The following INTS7 variants were observed in gnomAD, a reference collection of about 807,000 sequenced individuals.
INTS7 encodes the protein chromosome 1 open reading frame 73.
A neutral mutation model predicts 109.2 loss-of-function variants in INTS7; 46 were observed. The ratio of observed to expected loss-of-function variants is 0.42; its 90% CI spans 0.33 to 0.54. The LOEUF (loss-of-function observed/expected upper bound fraction) is 0.54. Among genes scored for constraint, INTS7 ranks in the 20% least tolerant of loss-of-function variants. The pLI is 0.07. For missense variants in INTS7, 929 were observed against 1,132.4 expected (o/e 0.82, Z 2.58); for synonymous variants, 412 against 402.9 (o/e 1.02, Z -0.27).
chr1:211,966,616 T>C (rs908077532), intron 15 of INTS7, 118 bp from the exon 16 acceptor site: 5 of 650,950 alleles, frequency 7.7e-6, no homozygotes, highest in Non-Finnish European at 1.4e-5. Flanking sequence ...AATCATAATG[T>C]TATCAACTCG....
At chr1:212,005,553 C>T (rs1356075991) in intron 7 of INTS7, among the ~76,000 whole-genome samples, 1 of 152,014 alleles carries the variant, frequency 6.6e-6, no homozygotes, top group Non-Finnish European at 1.5e-5. Flanking sequence ...ATCTATCTCA[C>T]AATAAGAAAA....
At chr1:211,947,835 C>T (rs139467813) in intron 17 of INTS7, among the ~76,000 whole-genome samples, 4 of 152,272 alleles carry the variant, frequency 2.6e-5, no homozygotes, top group South Asian at 2.1e-4. Context: ...TAAGCACTCA[C>T]GGTACATCAA....
intron 18 of INTS7, among the ~76,000 whole-genome samples, chr1:211,945,663 T>C (rs947249172): frequency 1.3e-5 from 2 of 152,238 alleles, no homozygotes; most frequent in Non-Finnish European, 2.9e-5. Context: ...CATTTTGAAA[T>C]GGAATGCTCT....
intron 18 of INTS7, among the ~76,000 whole-genome samples, chr1:211,945,375 GT>G (rs1222880662): frequency 1.3e-5 from 2 of 151,982 alleles, no homozygotes; most frequent in South Asian, 2.1e-4. Flanking sequence ...TGAACTTAAA[GT>G]TCCAGGATTA....
intron 8 of INTS7, among the ~76,000 whole-genome samples, chr1:211,983,859 T>TG (rs1358300816): frequency 1.3e-5 from 2 of 151,786 alleles, no homozygotes; most frequent in Non-Finnish European, 2.9e-5. Flanking sequence ...TGTTTTGTTT[T>TG]TTTTTTGAGA....
intron 5 of INTS7, among the ~76,000 whole-genome samples, chr1:212,010,632 A>G (rs1571902585): frequency 6.6e-6 from 1 of 152,190 alleles, no homozygotes; most frequent in East Asian, 1.9e-4. Context: ...AAAAATTCCT[A>G]GTAACTTCAT....
chr1:212,001,265 C>A (rs929852110), intron 7 of INTS7, among the ~76,000 whole-genome samples: 2 of 151,628 alleles, frequency 1.3e-5, no homozygotes, highest in African/African-American at 4.8e-5. Flanking sequence ...CAAGGTTTCT[C>A]CATGTTTGTC....
At chr1:211,983,243 T>A (rs1353206692) in intron 8 of INTS7, among the ~76,000 whole-genome samples, 3 of 152,122 alleles carry the variant, frequency 2.0e-5, no homozygotes, top group African/African-American at 4.8e-5. Flanking sequence ...TGACACACAT[T>A]TATACCTCAT....
chr1:211,997,253 G>C (rs1665439641), intron 7 of INTS7, among the ~76,000 whole-genome samples: 1 of 151,908 alleles, frequency 6.6e-6, no homozygotes, highest in Non-Finnish European at 1.5e-5. Context: ...TGAAAAAAAA[G>C]AGAGAGATAG....
At chr1:211,977,486 A>G (rs761491277) in intron 11 of INTS7, among the ~76,000 whole-genome samples, 1 of 152,224 alleles carries the variant, frequency 6.6e-6, no homozygotes, top group Non-Finnish European at 1.5e-5. Flanking sequence ...TTTGGTCATC[A>G]AGGTAACCTT....
In INTS7 at chr1:211,967,998, A is replaced by G. The variant is rs1455489184; in HGVS notation, c.2011-17T>C. 7.3e-6 allele frequency: 10 copies of G among 1,378,458 alleles called. No homozygotes were observed. The highest frequency in any genetic ancestry group is 7.0e-5 in the East Asian group (3 of 42,592). 85.4% of individuals were successfully genotyped at this position (1,378,458 alleles called of 1,614,324 possible). A position where few individuals can be genotyped will look rare whatever the true frequency, so the allele number is the denominator to read the frequency against. On this transcript the variant is annotated splice_polypyrimidine_tract_variant and intron_variant, in intron 14 of 19. Transcript: ENST00000366994. Reference sequence around the variant, plus strand: ...CTGTTTCATCTATAAAAAAAAATCAATTATGACAAACAAACATGCTATCAT... The same window carrying G: ...CTGTTTCATCTATAAAAAAAAATCAGTTATGACAAACAAACATGCTATCAT...
chr1:212,022,696 G>A (rs1470242635), intron 1 of INTS7, among the ~76,000 whole-genome samples: 1 of 152,194 alleles, frequency 6.6e-6, no homozygotes, highest in Non-Finnish European at 1.5e-5. Context: ...TAGTGGGAAT[G>A]TAAAACTGTA....
At chr1:211,962,227 A>G (rs1431527753) in intron 16 of INTS7, among the ~76,000 whole-genome samples, 2 of 151,478 alleles carry the variant, frequency 1.3e-5, no homozygotes, top group African/African-American at 2.4e-5. Context: ...GCAATCCTAA[A>G]TCAGACAAAA....
At chr1:212,028,074 G>A (rs1288971279) in intron 1 of INTS7, among the ~76,000 whole-genome samples, 3 of 152,082 alleles carry the variant, frequency 2.0e-5, no homozygotes, top group African/African-American at 4.8e-5. Flanking sequence ...TGATCCTCCC[G>A]CCTCAGCCTC....
intron 2 of INTS7, 126 bp downstream of exon 2, chr1:212,020,940 GATGTGCTGCACACAGTC>G (rs1329886390): frequency 8.2e-6 from 6 of 728,192 alleles, no homozygotes; most frequent in Non-Finnish European, 1.3e-5. Context: ...ATCTCACACT[GATGTGCTGCACACAGTC>G]ATGTGTGTCC....
chr1:211,950,892 G>C (rs1663054572), intron 17 of INTS7, among the ~76,000 whole-genome samples: 1 of 152,174 alleles, frequency 6.6e-6, no homozygotes, highest in South Asian at 2.1e-4. Context: ...GAGCTTAGAA[G>C]AATATGAAAA....
chr1:211,961,590 C>T (rs1307982685), intron 16 of INTS7, among the ~76,000 whole-genome samples: 5 of 151,924 alleles, frequency 3.3e-5, no homozygotes, highest in Non-Finnish European at 5.9e-5. Flanking sequence ...CCACCATGCC[C>T]GGCTAATTTT....
Position 211,978,424 on chromosome 1 carries a change from T to C in INTS7, c.1318A>G (p.Ser440Gly), listed in dbSNP as rs780192549. 2.4e-5 allele frequency: 39 copies of C among 1,614,112 alleles called. No individual in the cohort carries two copies. The highest frequency in any genetic ancestry group is 3.1e-5 in the Non-Finnish European group (36 of 1,180,050). Residue 440 changes from serine (S) to glycine (G), a missense_variant, in exon 11 of 20, where the codon AGT (serine) becomes GGT (glycine). By Grantham distance (56) the Ser-to-Gly change is moderately conservative. Around this residue, in one of 2 missense-constraint regions of INTS7, gnomAD observed 787 missense variants for 901.1 expected, o/e 0.87. Coordinates refer to ENST00000366994, the MANE Select transcript of INTS7 (RefSeq NM_015434.4). Reference protein sequence around the residue: ...VVETLLTQLHSAQDAARILMC... With the variant: ...VVETLLTQLHGAQDAARILMC... ...AAAATCCGGGCAGCGTCTTGAGCAC[T>C]GTGCAATTGAGTCAACAAGGTCTCA...
At chr1:212,011,670 T>A in intron 4 of INTS7, 1 of 387,538 alleles carries the variant, frequency 2.6e-6, no homozygotes. Context: ...CACAATACAG[T>A]GTTATTTTTT....
Sources: gnomAD v4.1 joint callset for allele counts (sites outside exome capture counted in the v4.1 genomes callset) on GRCh38, gnomAD v4.1.1 for gene constraint, gnomAD v4.1.1 regional missense constraint, MANE v1.5 for transcripts, NCBI Gene and HGNC (gene_info 2026-07-23, HGNC 2026-07-21) for gene names.